ZP1: variants seen among roughly 807,000 people sequenced by gnomAD.
ZP1 encodes the protein zona pellucida sperm-binding protein 1.
Under a neutral mutation model 67.4 loss-of-function variants are expected in ZP1, and 58 were observed. That is an observed-to-expected ratio of 0.86 (90% confidence interval 0.70 to 1.07). The LOEUF (loss-of-function observed/expected upper bound fraction) is 1.07. ZP1 is among the 50% of genes least tolerant of loss of function. The pLI is 0.00. For missense variants in ZP1, 759 were observed against 807.3 expected, an observed-to-expected ratio of 0.94 and a Z score of 0.72; for synonymous variants, 333 against 332.7, an observed-to-expected ratio of 1.00 and a Z score of -0.01.
intron 6 of ZP1, among the ~76,000 whole-genome samples, chr11:60,872,705 G>A (rs1453181057): frequency 6.6e-6 from 1 of 152,224 alleles, no homozygotes; most frequent in Admixed American, 6.5e-5. Context: ...GCTTAGGTTA[G>A]AAGACTTGCT....
chr11:60,871,102 G>A lies in ZP1; in HGVS notation c.972G>A (p.Val324=), dbSNP rs1855558680. The change falls in exon 5 of 12, where the codon GTG becomes GTA. Residue 324 remains valine, a synonymous_variant. Transcript: ENST00000278853. ...CSPTQHTEAF[V]VFYFPLTHCG... Reference sequence around the variant, plus strand: ...CAACACAGCACACGGAAGCTTTCGTGGTCTTCTACTTCCCTCTCACCCACT... The same window carrying A: ...CAACACAGCACACGGAAGCTTTCGTAGTCTTCTACTTCCCTCTCACCCACT... The A allele has an allele frequency of 6.2e-7, 1 of 1,614,042 alleles. No homozygotes were observed. Among genetic ancestry groups the A allele is most frequent in the Admixed American group, 1.7e-5 (1 of 60,006 alleles).
chr11:60,874,458 C>A (rs1855658498), intron 9 of ZP1, among the ~76,000 whole-genome samples: 1 of 152,200 alleles, frequency 6.6e-6, no homozygotes, highest in Admixed American at 6.5e-5. Flanking sequence ...CTCCCCTCTG[C>A]CCCCAGTCAC....
chr11:60,867,751 G>A lies in ZP1; in HGVS notation c.190G>A (p.Val64Met), dbSNP rs1221491302. ...PRPGQTLRFK[V>M]VDEFGNRFDV... The stretch of plus-strand genomic sequence containing the variant: ...GCCAGGCCAGACTCTCCGCTTCAAG[G>A]TGGTGGGTGAGTGCTGGCAGAGTCC... The change falls in exon 1 of 12, where the codon GTG (valine) becomes ATG (methionine). Residue 64 changes from valine to methionine, a missense_variant. Transcript: ENST00000278853. 1.2e-6 allele frequency: 2 copies of A among 1,613,418 alleles called. No homozygotes were observed. The highest frequency in any genetic ancestry group is 1.7e-6 in the Non-Finnish European group (2 of 1,179,722).
At position 60,875,413 on chromosome 11, in the gene ZP1, A is replaced by G. The variant is rs1021414916; in HGVS notation, c.1775-101A>G. 2.8e-5 allele frequency: 43 copies of G among 1,536,660 alleles called. No individual in the cohort carries two copies. In the African/African-American group the frequency reaches 4.9e-4, roughly 18 times the overall value. ...CAGACACAGTCCACCTCATCTGCAGAAAGGCAGCTTCAGCTCTGCCCAGTG... is the reference window on the plus strand; with the variant it reads ...CAGACACAGTCCACCTCATCTGCAGGAAGGCAGCTTCAGCTCTGCCCAGTG... On this transcript the variant is annotated intron_variant, in intron 11 of 11. Coordinates refer to ENST00000278853, the MANE Select transcript of ZP1 (RefSeq NM_207341.4).
chr11:60,867,812 A>C, intron 1 of ZP1, 55 bp downstream of exon 1: 1 of 1,573,624 alleles, frequency 6.4e-7, no homozygotes, highest in East Asian at 2.3e-5. Flanking sequence ...CTGCTGCCAG[A>C]AGGGAGCTGG....
At chr11:60,875,279 C>T in intron 11 of ZP1, 31 bp downstream of exon 11, 1 of 1,593,698 alleles carries the variant, frequency 6.3e-7, no homozygotes, top group South Asian at 1.1e-5. Context: ...GCCCCTCAGG[C>T]CTTACCCACT....
chr11:60,869,103 C>T (rs1213803873), intron 1 of ZP1, 42 bp from the exon 2 acceptor site: 2 of 1,613,118 alleles, frequency 1.2e-6, no homozygotes, highest in African/African-American at 1.3e-5. Flanking sequence ...CCTCTCCCTG[C>T]ACCCTTCAAC....
At chr11:60,872,558 G>C (rs2083655407) in intron 6 of ZP1, among the ~76,000 whole-genome samples, 2 of 152,196 alleles carry the variant, frequency 1.3e-5, no homozygotes, top group African/African-American at 4.8e-5. Context: ...GCTAGACACT[G>C]TGGCCTTTAG....
chr11:60,870,681 TC>T, intron 4 of ZP1: 1 of 691,530 alleles, frequency 1.4e-6, no homozygotes, highest in Admixed American at 3.1e-5. Flanking sequence ...TATTAATAGA[TC>T]TACCTTACAC....
chr11:60,875,407 C>T, intron 11 of ZP1, 107 bp from the exon 12 acceptor site: 12 of 1,530,036 alleles, frequency 7.8e-6, no homozygotes, highest in Non-Finnish European at 1.1e-5. Flanking sequence ...TCCACCTCAT[C>T]TGCAGAAAGG....
intron 11 of ZP1, 99 bp from the exon 12 acceptor site, chr11:60,875,415 A>C: frequency 6.5e-7 from 1 of 1,537,050 alleles, no homozygotes; most frequent in South Asian, 1.3e-5. Flanking sequence ...ATCTGCAGAA[A>C]GGCAGCTTCA....
rs761215114 is a variant in ZP1 at position 60,871,132 on chromosome 11, A to AACC, written c.1005_1007dup (p.Thr336dup). 6.8e-6 allele frequency: 11 copies of AACC among 1,614,064 alleles called. No homozygotes were observed. The Admixed American group carries it at 1.8e-4, about 27-fold the overall frequency. ...TCTACTTCCCTCTCACCCACTGTGG[A>AACC]ACCACAATGCAGGTAGGAGCCGGGA... is the stretch of plus-strand genomic sequence containing the variant. On this transcript the variant is annotated inframe_insertion, in exon 5 of 12. Transcript: ENST00000278853.
intron 1 of ZP1, 113 bp from the exon 2 acceptor site, chr11:60,869,032 C>A: frequency 7.6e-7 from 1 of 1,320,978 alleles, no homozygotes; most frequent in Non-Finnish European, 1.0e-6. Flanking sequence ...AATAGCAAAG[C>A]TAAGGCAAGA....
intron 2 of ZP1, 99 bp downstream of exon 2, chr11:60,869,365 G>C: frequency 3.2e-6 from 5 of 1,550,004 alleles, no homozygotes; most frequent in Non-Finnish European, 4.4e-6. Flanking sequence ...CAAAGCCGAA[G>C]ATCTGTTGAG....
At chr11:60,875,383 G>A in intron 11 of ZP1, 131 bp from the exon 12 acceptor site, 1 of 1,512,268 alleles carries the variant, frequency 6.6e-7, no homozygotes, top group Admixed American at 2.0e-5. Context: ...GGAACTAAGT[G>A]AAGACAGACA....
intron 3 of ZP1, 47 bp downstream of exon 3, chr11:60,869,947 G>A: frequency 6.6e-7 from 1 of 1,509,412 alleles, no homozygotes; most frequent in Non-Finnish European, 8.9e-7. Flanking sequence ...GGGGACTTCT[G>A]GAGTACAGGG....
Position 60,873,253 on chromosome 11 carries a change from C to T in ZP1, c.1204C>T (p.Pro402Ser). 6.3e-7 allele frequency: 1 copy of T among 1,598,478 alleles called. No homozygotes were observed. The highest frequency in any genetic ancestry group is 8.5e-7 in the Non-Finnish European group (1 of 1,170,994). ...CCCATCGCCTGCTCCTATGACCCAG[C>T]CCGGCCCCCTGCGGCTTGAGCTGCG... Reference protein sequence around the residue: ...PPPSPAPMTQPGPLRLELRIA... With the variant: ...PPPSPAPMTQSGPLRLELRIA... Residue 402 changes from proline to serine, a missense_variant, in exon 7 of 12, where the codon CCC becomes TCC. Physicochemically the swap from Pro to Ser is moderately conservative, Grantham distance 74. Coordinates refer to ENST00000278853, the MANE Select transcript of ZP1 (RefSeq NM_207341.4).
At chr11:60,867,821 G>C (rs1002847636) in intron 1 of ZP1, 64 bp downstream of exon 1, 18 of 1,546,374 alleles carry the variant, frequency 1.2e-5, no homozygotes, top group Non-Finnish European at 1.3e-5. Flanking sequence ...GAAGGGAGCT[G>C]GGACCCTTCC....
At chr11:60,872,187 A>G (rs781548884) in intron 6 of ZP1, among the ~76,000 whole-genome samples, 10 of 152,208 alleles carry the variant, frequency 6.6e-5, no homozygotes, top group Non-Finnish European at 1.5e-4. Flanking sequence ...CAACACAGCG[A>G]GACCCCATTT....
Sources: allele counts gnomAD v4.1 joint callset (sites outside exome capture counted in the v4.1 genomes callset), GRCh38; gene constraint gnomAD v4.1.1; transcripts MANE v1.5; gene names NCBI Gene and HGNC (gene_info 2026-07-23, HGNC 2026-07-21).